The following ZNF280D variants were observed in gnomAD, a reference collection of about 807,000 sequenced individuals.
ZNF280D encodes suppressor of hairy wing homolog 4.
Under a neutral mutation model 94.7 loss-of-function variants are expected in ZNF280D, and 39 were observed. That is an observed-to-expected ratio of 0.41 (90% CI 0.32 to 0.54). ZNF280D has a LOEUF of 0.54. Among genes scored for constraint, ZNF280D ranks in the 20% least tolerant of loss-of-function variants. The pLI is 0.22. For synonymous variants in ZNF280D, 398 were observed against 377.6 expected, an observed-to-expected ratio of 1.05 and a Z score of -0.63; for missense variants, 1,090 against 1,149.3, an observed-to-expected ratio of 0.95 and a Z score of 0.75.
intron 1 of ZNF280D, among the ~76,000 whole-genome samples, chr15:56,723,967 T>C (rs1413071845): frequency 2.0e-5 from 3 of 152,184 alleles, no homozygotes; most frequent in Admixed American, 6.5e-5. Flanking sequence ...GGCAAAATCA[T>C]CTGACAACAC....
At chr15:56,645,528 A>T (rs1240984693) in intron 19 of ZNF280D, among the ~76,000 whole-genome samples, 1 of 152,152 alleles carries the variant, frequency 6.6e-6, no homozygotes, top group African/African-American at 2.4e-5. Context: ...TGCAGGTCTT[A>T]GGAGCAATCC....
chr15:56,731,638 C>T (rs1382322791), intron 1 of ZNF280D, among the ~76,000 whole-genome samples: 1 of 151,024 alleles, frequency 6.6e-6, no homozygotes, highest in Admixed American at 6.6e-5. Context: ...GGTATTGTTA[C>T]ACAGAAAAAT....
intron 16 of ZNF280D, among the ~76,000 whole-genome samples, chr15:56,660,129 G>A (rs1385678940): frequency 2.0e-5 from 3 of 151,978 alleles, no homozygotes; most frequent in Non-Finnish European, 4.4e-5. Context: ...TGGGAAGTTG[G>A]GAAGCCCTGA....
intron 13 of ZNF280D, among the ~76,000 whole-genome samples, chr15:56,671,657 G>A (rs1201860514): frequency 6.6e-6 from 1 of 151,862 alleles, no homozygotes; most frequent in African/African-American, 2.4e-5. Flanking sequence ...TTGGCTATTC[G>A]GGCTATTTTT....
chr15:56,723,197 G>A (rs2058462797), intron 1 of ZNF280D, among the ~76,000 whole-genome samples: 1 of 151,520 alleles, frequency 6.6e-6, no homozygotes, highest in Non-Finnish European at 1.5e-5. Flanking sequence ...CCTGCACAAT[G>A]TGCACATGTA....
In ZNF280D at chr15:56,658,442, T is replaced by C. The variant is rs767677622; in HGVS notation, c.2039A>G (p.Lys680Arg). 17 of 1,589,168 alleles carry C rather than the reference T, an allele frequency of 1.1e-5. 1 individual carries two copies. In the South Asian group the frequency reaches 1.8e-4, roughly 17 times the overall value. ...TAGTTACCGGAGATTTTCTGAATGC[T>C]TCTTAAAAATACAAAACCTTTTGCT... ...RPSKRFCIFKKHSENLRGITL... is the reference protein window; with the variant it reads ...RPSKRFCIFKRHSENLRGITL... Residue 680 changes from lysine (K) to arginine (R), a missense_variant, in exon 17 of 22, where the codon AAG becomes AGG. By Grantham distance (26) the Lys-to-Arg change is conservative (BLOSUM62 2). Coordinates refer to ENST00000267807, the MANE Select transcript of ZNF280D (RefSeq NM_017661.4).
intron 17 of ZNF280D, among the ~76,000 whole-genome samples, chr15:56,657,746 A>C (rs1378113988): frequency 6.6e-6 from 1 of 152,222 alleles, no homozygotes; most frequent in Non-Finnish European, 1.5e-5. Flanking sequence ...ATGTGGAGAA[A>C]TTGGAACCCT....
chr15:56,693,571 T>C (rs1315045625), intron 6 of ZNF280D, among the ~76,000 whole-genome samples: 4 of 152,006 alleles, frequency 2.6e-5, no homozygotes, highest in South Asian at 2.1e-4. Context: ...ATCAGTAAGA[T>C]TGATACACTT....
In ZNF280D at chr15:56,682,483, A is replaced by T; in HGVS notation, c.781-6T>A. 1.7e-6 allele frequency: 2 copies of T among 1,150,562 alleles called. No individual in the cohort carries two copies. Among genetic ancestry groups the T allele is most frequent in the Non-Finnish European group, 2.4e-6 (2 of 837,902 alleles). The allele number at this position is 1,150,562 out of a possible 1,614,324, so 71.3% of individuals were successfully genotyped here. A position where few individuals can be genotyped will look rare whatever the true frequency, so the allele number is the denominator to read the frequency against. On this transcript the variant is annotated splice_polypyrimidine_tract_variant and splice_region_variant and intron_variant, in intron 9 of 21. Transcript: ENST00000267807. ...ATCATGTCTGGACAACAATACTGAA[A>T]GAGAAAAAAAAAAAAAAAAAACAAG...
chr15:56,682,953 A>G (rs1420196142), intron 9 of ZNF280D, among the ~76,000 whole-genome samples: 1 of 152,130 alleles, frequency 6.6e-6, no homozygotes, highest in Non-Finnish European at 1.5e-5. Flanking sequence ...AATATAGAAT[A>G]GGCTCCTTAA....
intron 14 of ZNF280D, chr15:56,668,082 T>C (rs2054416420): frequency 4.5e-6 from 2 of 445,592 alleles, no homozygotes; most frequent in South Asian, 3.2e-5. Flanking sequence ...TATCATGTCT[T>C]CAGAGCATGG....
chr15:56,688,067 G>C (rs1346834354), intron 9 of ZNF280D, among the ~76,000 whole-genome samples: 1 of 151,660 alleles, frequency 6.6e-6, no homozygotes, highest in Admixed American at 6.6e-5. Flanking sequence ...CATTTATACT[G>C]GGCATGCAAG....
intron 7 of ZNF280D, among the ~76,000 whole-genome samples, chr15:56,692,249 G>C (rs1257446854): frequency 6.6e-6 from 1 of 151,682 alleles, no homozygotes; most frequent in African/African-American, 2.4e-5. Context: ...ATCAAATCAA[G>C]TATTAAAAAA....
intron 15 of ZNF280D, 22 bp from the exon 16 acceptor site, chr15:56,666,557 T>G: frequency 6.4e-7 from 1 of 1,560,208 alleles, no homozygotes; most frequent in African/African-American, 1.4e-5. Context: ...ATTAAAAAAA[T>G]GATAAAAATA....
intron 9 of ZNF280D, 115 bp from the exon 10 acceptor site, chr15:56,682,592 T>A (rs1395684180): frequency 3.2e-6 from 2 of 625,454 alleles, no homozygotes; most frequent in African/African-American, 3.9e-5. Flanking sequence ...ACTATGCTTG[T>A]AATATATCTA....
At chr15:56,654,536 T>C (rs2053414327) in intron 17 of ZNF280D, 33 bp from the exon 18 acceptor site, 2 of 1,538,808 alleles carry the variant, frequency 1.3e-6, no homozygotes. Flanking sequence ...AAGATTTTTA[T>C]CTTTTATGAA....
chr15:56,721,458 T>C (rs143686705), intron 1 of ZNF280D, among the ~76,000 whole-genome samples: 88 of 152,352 alleles, frequency 5.8e-4, no homozygotes, highest in African/African-American at 2.0e-3. Flanking sequence ...TTCCAATAAA[T>C]AGAAGTCTAT....
intron 1 of ZNF280D, among the ~76,000 whole-genome samples, chr15:56,710,909 C>T (rs1392782326): frequency 6.6e-6 from 1 of 152,074 alleles, no homozygotes; most frequent in Non-Finnish European, 1.5e-5. Context: ...AGTATCTGCA[C>T]ATTTAAAAAA....
intron 4 of ZNF280D, 117 bp from the exon 5 acceptor site, chr15:56,701,355 T>C (rs1328672462): frequency 1.0e-5 from 7 of 670,996 alleles, no homozygotes; most frequent in African/African-American, 5.5e-5. Context: ...ATATAACTAA[T>C]CACTGATTTA....
Sources: gnomAD v4.1 joint callset for allele counts (sites outside exome capture counted in the v4.1 genomes callset) on GRCh38, gnomAD v4.1.1 for gene constraint, MANE v1.5 for transcripts, NCBI Gene and HGNC (gene_info 2026-07-23, HGNC 2026-07-21) for gene names.